Variants in SRPK2 observed in about 807,000 individuals in gnomAD.
The protein encoded by SRPK2 is SRSF protein kinase 2.
In SRPK2, 21 loss-of-function variants were observed where a neutral mutation model predicts 90.8. That is an observed-to-expected ratio of 0.23 (90% CI 0.16 to 0.33). SRPK2 has a LOEUF of 0.33. Among genes scored for constraint, SRPK2 ranks in the 10% least tolerant of loss-of-function variants. The pLI, the probability that SRPK2 is intolerant of heterozygous loss-of-function variation, is 1.00. For missense variants in SRPK2, 620 were observed against 869.0 expected (o/e 0.71, Z 3.60); for synonymous variants, 288 against 311.1 (o/e 0.93, Z 0.78).
intron 3 of SRPK2, among the ~76,000 whole-genome samples, chr7:105,192,358 C>T (rs1476313857): frequency 2.0e-5 from 3 of 152,096 alleles, no homozygotes; most frequent in Non-Finnish European, 4.4e-5. Context: ...ATAGAGTCTC[C>T]AATCCTATCC....
intron 2 of SRPK2, among the ~76,000 whole-genome samples, chr7:105,289,098 C>G (rs1454106385): frequency 3.5e-5 from 1 of 28,638 alleles, no homozygotes; most frequent in South Asian, 1.0e-3. Flanking sequence ...CTACTTAAAG[C>G]ACAAAAAAAA....
chr7:105,217,049 A>G (rs1228919002), intron 2 of SRPK2, among the ~76,000 whole-genome samples: 1 of 152,214 alleles, frequency 6.6e-6, no homozygotes, highest in Non-Finnish European at 1.5e-5. Flanking sequence ...AGCTGTGACC[A>G]ATAAATACAC....
At chr7:105,332,491 C>G (rs1050288862) in intron 2 of SRPK2, among the ~76,000 whole-genome samples, 6 of 152,146 alleles carry the variant, frequency 3.9e-5, no homozygotes, top group African/African-American at 1.4e-4. Flanking sequence ...AGGCCAGGCG[C>G]AGTGTCTCAT....
chr7:105,313,256 C>T (rs1011728039), intron 2 of SRPK2, among the ~76,000 whole-genome samples: 4 of 148,670 alleles, frequency 2.7e-5, no homozygotes, highest in Non-Finnish European at 5.9e-5. Flanking sequence ...GGCCAGCCAG[C>T]GTAACATGGT....
intron 2 of SRPK2, among the ~76,000 whole-genome samples, chr7:105,337,440 G>A (rs1048233310): frequency 1.1e-4 from 16 of 151,768 alleles, no homozygotes; most frequent in African/African-American, 3.4e-4. Flanking sequence ...TCAGCTTCCC[G>A]AGTAGCCAGC....
In SRPK2 at chr7:105,238,932, G is replaced by A. The variant is rs982978872; in HGVS notation, c.72-35147C>T. Among the ~76,000 whole-genome samples, 24 of 152,104 alleles carry A rather than the reference G, an allele frequency of 1.6e-4. 1 individual carries two copies. Among genetic ancestry groups the A allele is most frequent in the African/African-American group, 2.9e-4 (12 of 41,416 alleles). ...ACAACTTGACAAGAGAACAAAGCAC[G>A]AAGGCAGTAAGCAAACTTGTGGTCT... On this transcript the variant is annotated intron_variant, in intron 2 of 15. Coordinates refer to ENST00000393651, the MANE Select transcript of SRPK2 (RefSeq NM_182692.3).
chr7:105,244,725 G>A, intron 2 of SRPK2: 1 of 1,166,922 alleles, frequency 8.6e-7, no homozygotes, highest in Non-Finnish European at 1.3e-6. Flanking sequence ...AGCGAGCCCA[G>A]GCACAGCCGC....
Position 105,331,969 on chromosome 7 carries a change from G to A in SRPK2, c.71+56679C>T, listed in dbSNP as rs148828065. Among the ~76,000 whole-genome samples, 1,007 of 152,174 alleles carry A rather than the reference G, an allele frequency of 6.6e-3. 5 individuals are homozygous for A. Among genetic ancestry groups the A allele is most frequent in the Admixed American group, 0.015 (223 of 15,240 alleles). The stretch of plus-strand genomic sequence containing the variant: ...AGACCAGGAGTTTGAGACCAGCCTG[G>A]CCAACAGGGTGAAGCCCCATTTCTA... On this transcript the variant is annotated intron_variant, in intron 2 of 15. Transcript: ENST00000393651.
chr7:105,398,955 G>C (rs1822399586), intron 1 of SRPK2, among the ~76,000 whole-genome samples: 1 of 152,120 alleles, frequency 6.6e-6, no homozygotes. Flanking sequence ...TAAAATACTT[G>C]GAGGAGTACC....
chr7:105,298,421 T>TA, intron 2 of SRPK2, among the ~76,000 whole-genome samples: 1 of 152,304 alleles, frequency 6.6e-6, no homozygotes, highest in East Asian at 1.9e-4. Flanking sequence ...TCTTAACTGT[T>TA]AAAAAAGAAA....
intron 2 of SRPK2, among the ~76,000 whole-genome samples, chr7:105,386,767 A>C (rs1027332014): frequency 6.6e-6 from 1 of 152,228 alleles, no homozygotes; most frequent in Non-Finnish European, 1.5e-5. Flanking sequence ...GTTAAGTGAA[A>C]AATGGCAATG....
intron 2 of SRPK2, among the ~76,000 whole-genome samples, chr7:105,313,795 G>A (rs564404788): frequency 4.4e-4 from 67 of 151,886 alleles, no homozygotes; most frequent in Non-Finnish European, 7.5e-4. Context: ...GGGCAGCAAG[G>A]TACATTGTCA....
At chr7:105,362,039 A>G (rs1229018853) in intron 2 of SRPK2, among the ~76,000 whole-genome samples, 1 of 152,066 alleles carries the variant, frequency 6.6e-6, no homozygotes, top group African/African-American at 2.4e-5. Flanking sequence ...GTGAACACGC[A>G]CTACAGAATG....
At chr7:105,366,302 T>A (rs1233333843) in intron 2 of SRPK2, among the ~76,000 whole-genome samples, 4 of 152,020 alleles carry the variant, frequency 2.6e-5, no homozygotes, top group African/African-American at 9.7e-5. Flanking sequence ...CTTCCTCTTT[T>A]GCTTTACAGT....
chr7:105,324,165 T>C (rs560722380), intron 2 of SRPK2, among the ~76,000 whole-genome samples: 1 of 151,052 alleles, frequency 6.6e-6, no homozygotes, highest in East Asian at 2.0e-4. Flanking sequence ...CCCGGGTAAT[T>C]ATATATATTT....
intron 3 of SRPK2, among the ~76,000 whole-genome samples, chr7:105,197,006 C>T (rs924365582): frequency 6.6e-6 from 1 of 152,032 alleles, no homozygotes; most frequent in Non-Finnish European, 1.5e-5. Flanking sequence ...GAGATTGCAG[C>T]ATTGCACTCC....
chr7:105,347,655 A>G (rs1231160325), intron 2 of SRPK2, among the ~76,000 whole-genome samples: 1 of 151,858 alleles, frequency 6.6e-6, no homozygotes, highest in African/African-American at 2.4e-5. Context: ...GGAGTTTGAG[A>G]CTTGCCTGGG....
chr7:105,287,502 T>C (rs1808323840), intron 2 of SRPK2, among the ~76,000 whole-genome samples: 1 of 152,004 alleles, frequency 6.6e-6, no homozygotes, highest in African/African-American at 2.4e-5. Flanking sequence ...TTTGGGAGGC[T>C]GAGGAGGGGA....
chr7:105,244,601 C>G (rs893244285), intron 2 of SRPK2: 5 of 650,996 alleles, frequency 7.7e-6, no homozygotes, highest in African/African-American at 1.8e-5. Context: ...CCCAGAGTTC[C>G]ACGCGGCGCC....
Sources: gnomAD v4.1 joint callset for allele counts (sites outside exome capture counted in the v4.1 genomes callset) on GRCh38, gnomAD v4.1.1 for gene constraint, MANE v1.5 for transcripts, NCBI Gene and HGNC (gene_info 2026-07-23, HGNC 2026-07-21) for gene names.